The following CDH13 variants were observed in gnomAD, a reference collection of about 807,000 sequenced individuals.
The protein encoded by CDH13 is cadherin 13.
In CDH13, 24 loss-of-function variants were observed where a neutral mutation model predicts 63.8. The observed-to-expected ratio is 0.38, with a 90% CI of 0.27 to 0.53. The LOEUF is 0.53. Ranked by LOEUF, CDH13 falls within the 20% of genes least tolerant of loss-of-function variation. The pLI is 0.85. For synonymous variants in CDH13, 503 were observed against 355.3 expected, an observed-to-expected ratio of 1.42 and a Z score of -4.67; for missense variants, 1,049 against 903.1, an observed-to-expected ratio of 1.16 and a Z score of -2.07.
chr16:83,237,223 C>T (rs1355666918), intron 5 of CDH13, among the ~76,000 whole-genome samples: 1 of 152,202 alleles, frequency 6.6e-6, no homozygotes, highest in African/African-American at 2.4e-5. Flanking sequence ...AGAAGAGCAG[C>T]CTCTGCCTGT....
chr16:83,076,447 A>C lies in CDH13; in HGVS notation c.366+44229A>C, dbSNP rs143096762. On this transcript the variant is annotated intron_variant, in intron 3 of 13. Transcript: ENST00000567109. ...TAGACAAAGATCCTTGCATGGCATT[A>C]AGGGAGCCTGTCCTGACATTTCATA... Among the ~76,000 whole-genome samples the C allele has an allele frequency of 1.2e-3, 186 of 152,270 alleles. 1 individual carries two copies. Among genetic ancestry groups the C allele is most frequent in the African/African-American group, 4.2e-3 (175 of 41,550 alleles).
rs140810557 is a variant in CDH13, at chr16:83,059,071, G to C, written c.366+26853G>C. Among the ~76,000 whole-genome samples, 214 of 152,268 alleles carry C rather than the reference G, an allele frequency of 1.4e-3. 1 individual carries two copies. The South Asian group carries it at 0.014, about 10-fold the overall frequency. ...GTGCAGGAACTTGATCTGAGAGGTG[G>C]TCCCAGGAAGCAGAAGTGAGTTCAT... On this transcript the variant is annotated intron_variant, in intron 3 of 13. Transcript: ENST00000567109.
chr16:83,187,016 G>T (rs541044571), intron 4 of CDH13, among the ~76,000 whole-genome samples: 1 of 152,240 alleles, frequency 6.6e-6, no homozygotes, highest in East Asian at 1.9e-4. Flanking sequence ...TGTCACCCAG[G>T]CTGGAGTGCA....
chr16:83,405,560 C>T (rs2092029845), intron 6 of CDH13, among the ~76,000 whole-genome samples: 1 of 152,078 alleles, frequency 6.6e-6, no homozygotes, highest in Non-Finnish European at 1.5e-5. Flanking sequence ...GGAATGTAGC[C>T]CTTTGGATTC....
chr16:83,755,268 A>G (rs74034814), intron 11 of CDH13, among the ~76,000 whole-genome samples: 18 of 152,162 alleles, frequency 1.2e-4, no homozygotes, highest in Non-Finnish European at 2.2e-4. Flanking sequence ...ATCTATAGCA[A>G]ACACCACAAG....
intron 4 of CDH13, among the ~76,000 whole-genome samples, chr16:83,211,365 G>A (rs774057504): frequency 1.3e-5 from 2 of 152,096 alleles, no homozygotes; most frequent in Non-Finnish European, 2.9e-5. Flanking sequence ...ACCACCCGAA[G>A]TTTATAAATG....
rs1905249106 is a variant in CDH13, at chr16:83,578,571, GA to G, written c.961-23882del. On this transcript the variant is annotated intron_variant, in intron 7 of 13. Coordinates refer to ENST00000567109, the MANE Select transcript of CDH13 (RefSeq NM_001257.5). ...CCTTCAAGGGCAGGTCCAGTTTGGA[GA>G]GGTACTAAGGGCAGTAAATATTCAT... 3.9e-5 allele frequency among the ~76,000 whole-genome samples: 6 copies of G among 152,306 alleles called. No homozygotes were observed. The South Asian group carries it at 1.2e-3, about 32-fold the overall frequency.
chr16:82,652,377 G>C (rs1243175071), intron 1 of CDH13, among the ~76,000 whole-genome samples: 1 of 152,170 alleles, frequency 6.6e-6, no homozygotes, highest in Admixed American at 6.5e-5. Context: ...GAAGAGCTTG[G>C]TTAAATAAGG....
At chr16:83,341,786 C>G (rs2090728022) in intron 5 of CDH13, among the ~76,000 whole-genome samples, 1 of 152,118 alleles carries the variant, frequency 6.6e-6, no homozygotes, top group African/African-American at 2.4e-5. Flanking sequence ...TTATACCATT[C>G]CCCACTCCTA....
intron 4 of CDH13, among the ~76,000 whole-genome samples, chr16:83,216,395 G>GAA (rs2039511195): frequency 8.5e-5 from 1 of 11,764 alleles, no homozygotes; most frequent in Non-Finnish European, 2.6e-4. Context: ...CTCCAGCATT[G>GAA]AAATATATAT....
At chr16:83,351,168 C>G (rs2090943791) in intron 6 of CDH13, among the ~76,000 whole-genome samples, 1 of 151,850 alleles carries the variant, frequency 6.6e-6, no homozygotes, top group Admixed American at 6.6e-5. Context: ...AACCCATTGA[C>G]TGTTAATTTT....
chr16:83,489,879 C>G (rs2073971152), intron 7 of CDH13, among the ~76,000 whole-genome samples: 1 of 152,096 alleles, frequency 6.6e-6, no homozygotes, highest in African/African-American at 2.4e-5. Context: ...TGAGATGATT[C>G]AAGTTGATTT....
At chr16:82,939,800 A>G (rs576738693) in intron 2 of CDH13, among the ~76,000 whole-genome samples, 41 of 152,244 alleles carry the variant, frequency 2.7e-4, no homozygotes, top group Middle Eastern at 6.8e-3. Flanking sequence ...AATATTGTTG[A>G]TAATATTTGT....
intron 6 of CDH13, among the ~76,000 whole-genome samples, chr16:83,464,867 G>A (rs1225775939): frequency 3.9e-5 from 6 of 152,114 alleles, no homozygotes; most frequent in South Asian, 2.1e-4. Context: ...GGTCTTGAAC[G>A]CCTGACCTCA....
At chr16:83,438,367 A>G (rs1382635336) in intron 6 of CDH13, among the ~76,000 whole-genome samples, 1 of 152,328 alleles carries the variant, frequency 6.6e-6, no homozygotes, top group Admixed American at 6.5e-5. Context: ...CCAGGTGTAT[A>G]TTGCTGACTT....
intron 6 of CDH13, among the ~76,000 whole-genome samples, chr16:83,392,155 T>A (rs951925): frequency 0.015 from 2,245 of 152,272 alleles, 23 homozygotes; most frequent in Non-Finnish European, 0.021. Context: ...CTTGAATGAC[T>A]TCGGTAGCCT....
At chr16:83,137,514 A>C (rs1479266582) in intron 4 of CDH13, among the ~76,000 whole-genome samples, 1 of 152,124 alleles carries the variant, frequency 6.6e-6, no homozygotes, top group Non-Finnish European at 1.5e-5. Context: ...CAAGCAAAAA[A>C]CGGCTTTCTT....
At chr16:83,092,786 C>G (rs4284625) in intron 3 of CDH13, among the ~76,000 whole-genome samples, 128,825 of 152,230 alleles carry the variant, frequency 0.85, 54,833 homozygotes, top group East Asian at 0.94. Flanking sequence ...GATTCACTCA[C>G]CAAATCTAGA....
chr16:82,712,766 A>G (rs2151009043), intron 1 of CDH13, among the ~76,000 whole-genome samples: 1 of 152,042 alleles, frequency 6.6e-6, no homozygotes, highest in South Asian at 2.1e-4. Context: ...TCCTGGGATT[A>G]CCTCCCAGTT....
Sources: gnomAD v4.1 joint callset for allele counts (sites outside exome capture counted in the v4.1 genomes callset) on GRCh38, gnomAD v4.1.1 for gene constraint, MANE v1.5 for transcripts, NCBI Gene and HGNC (gene_info 2026-07-23, HGNC 2026-07-21) for gene names.